The following FIRRM variants were observed in gnomAD, a reference collection of about 807,000 sequenced individuals.
FIRRM encodes FIGNL1 interacting regulator of recombination and mitosis.
chr1:169,849,865 C>T, the FIRRM span: 1 of 496,200 alleles, frequency 2.0e-6, no homozygotes, highest in Non-Finnish European at 3.6e-6. Context: ...CAGACACAGA[C>T]ACAGTCTTCC....
the FIRRM span, chr1:169,795,824 C>T: frequency 1.0e-6 from 1 of 959,114 alleles, no homozygotes. Flanking sequence ...ACTCCTCTCA[C>T]CCAGGCTGGA....
the FIRRM span, among the ~76,000 whole-genome samples, chr1:169,797,832 G>A: frequency 1.3e-5 from 2 of 151,994 alleles, no homozygotes; most frequent in Non-Finnish European, 2.9e-5. Flanking sequence ...GTGAGCCACC[G>A]TGCCCGGCCG....
the FIRRM span, chr1:169,853,140 T>TATTCTTATTAAGAACTTTG: frequency 4.1e-5 from 31 of 752,652 alleles, 1 homozygote; most frequent in South Asian, 5.5e-4. Context: ...TTGTGGGGAA[T>TATTCTTATTAAGAACTTTG]ATTCTTATTA....
At chr1:169,823,259 A>AAAAAAG in the FIRRM span, 6 of 496,992 alleles carry the variant, frequency 1.2e-5, no homozygotes, top group Non-Finnish European at 2.1e-5. Flanking sequence ...TCAAAAAAAA[A>AAAAAAG]AAAAGAAAAG....
chr1:169,802,559 TTTGTC>T, the FIRRM span: 1 of 1,156,910 alleles, frequency 8.6e-7, no homozygotes, highest in Non-Finnish European at 1.3e-6. Context: ...TCTGTAAAGT[TTTGTC>T]TTGTCTTTTC....
chr1:169,795,621 A>C, the FIRRM span: 2 of 997,970 alleles, frequency 2.0e-6, no homozygotes, highest in Non-Finnish European at 2.4e-6. Flanking sequence ...GTAAAGCGAG[A>C]TACTCTGAGC....
At chr1:169,828,544 T>C in the FIRRM span, among the ~76,000 whole-genome samples, 1 of 151,890 alleles carries the variant, frequency 6.6e-6, no homozygotes, top group South Asian at 2.1e-4. Context: ...TTTGAACAGT[T>C]TTGTTTTGTT....
the FIRRM span, chr1:169,802,640 A>T: frequency 1.2e-6 from 2 of 1,610,714 alleles, no homozygotes; most frequent in Non-Finnish European, 1.7e-6. Flanking sequence ...TTATTCGATG[A>T]CATGATGTAT....
At chr1:169,848,427 A>C in the FIRRM span, among the ~76,000 whole-genome samples, 16,004 of 152,198 alleles carry the variant, frequency 0.11, 1,023 homozygotes, top group Admixed American at 0.18. Context: ...TGACACTTCA[A>C]TCTCCAAGGG....
the FIRRM span, chr1:169,827,926 G>T: frequency 2.9e-5 from 38 of 1,290,352 alleles, 1 homozygote; most frequent in South Asian, 3.0e-4. Flanking sequence ...AAGTTTGTGT[G>T]TTTTTTTTTT....
At chr1:169,832,398 C>G in the FIRRM span, 2 of 1,564,942 alleles carry the variant, frequency 1.3e-6, no homozygotes, top group Non-Finnish European at 1.8e-6. Flanking sequence ...TCTCCTCTCT[C>G]TCTCATGTCT....
chr1:169,837,701 G>A, the FIRRM span, among the ~76,000 whole-genome samples: 2 of 152,068 alleles, frequency 1.3e-5, no homozygotes, highest in African/African-American at 2.4e-5. Flanking sequence ...GGGGTACATC[G>A]GGAACCAAAA....
At chr1:169,792,798 C>T in the FIRRM span, 1 of 1,613,072 alleles carries the variant, frequency 6.2e-7, no homozygotes, top group East Asian at 2.2e-5. Flanking sequence ...CTATAATAAT[C>T]TGGGTTGTAA....
the FIRRM span, chr1:169,847,680 A>C: frequency 6.3e-7 from 1 of 1,585,356 alleles, no homozygotes. Context: ...TTTGGTCTTC[A>C]CCTCTGTAGG....
the FIRRM span, among the ~76,000 whole-genome samples, chr1:169,808,846 G>A: frequency 3.3e-5 from 5 of 152,224 alleles, no homozygotes; most frequent in Non-Finnish European, 5.9e-5. Flanking sequence ...TGGTCCACCC[G>A]CCTTGGCCTC....
At chr1:169,801,667 T>G in the FIRRM span, among the ~76,000 whole-genome samples, 1 of 150,684 alleles carries the variant, frequency 6.6e-6, no homozygotes, top group Admixed American at 6.6e-5. Context: ...AAACATTAAA[T>G]TCACAGAATA....
chr1:169,836,053 A>ATTTTTTTTTTTTTTTTTTTTTTTTTT, the FIRRM span, among the ~76,000 whole-genome samples: 1 of 142,080 alleles, frequency 7.0e-6, no homozygotes. Context: ...GTCAGATTTA[A>ATTTTTTTTTTTTTTTTTTTTTTTTTT]TTTTTTTTTT....
At chr1:169,802,868 G>A in the FIRRM span, 1 of 613,036 alleles carries the variant, frequency 1.6e-6, no homozygotes, top group African/African-American at 1.9e-5. Context: ...CGTGAATATA[G>A]AAACATGAAT....
chr1:169,804,524 A>AT, the FIRRM span: 1 of 203,552 alleles, frequency 4.9e-6, no homozygotes, highest in East Asian at 1.2e-4. Context: ...TAACTTTCAC[A>AT]TTTTTTTAAC....
Sources: allele counts gnomAD v4.1 joint callset (sites outside exome capture counted in the v4.1 genomes callset), GRCh38; gene constraint gnomAD v4.1.1; transcripts MANE v1.5; gene names NCBI Gene and HGNC (gene_info 2026-07-23, HGNC 2026-07-21).